Variants in NKAIN3 observed in about 807,000 individuals in gnomAD.
The protein encoded by NKAIN3 is sodium/potassium transporting ATPase interacting 3, also known as sodium/potassium-transporting ATPase subunit beta-1-interacting protein 3.
Under a neutral mutation model 30.2 loss-of-function variants are expected in NKAIN3, and 25 were observed. The observed-to-expected ratio is 0.83, with a 90% CI of 0.60 to 1.16. NKAIN3 has a LOEUF of 1.16. Ranked by LOEUF, NKAIN3 falls within the 50% of genes most tolerant of loss-of-function variation. The pLI, the probability that NKAIN3 is intolerant of heterozygous loss-of-function variation, is 0.00. For synonymous variants in NKAIN3, 91 were observed against 89.6 expected (o/e 1.02, Z -0.09); for missense variants, 225 against 254.1 (o/e 0.89, Z 0.78).
chr8:62,965,904 G>C lies in NKAIN3; in HGVS notation c.*497G>C. On this transcript the variant is annotated 3_prime_UTR_variant, in exon 7 of 7. Coordinates refer to ENST00000623646, the MANE Select transcript of NKAIN3 (RefSeq NM_001304533.3). Reference sequence around the variant, plus strand: ...GTACAAATAATGGATCCAGCTTTTGGATTGAATATGGGTCATTTTTTCAAC... The same window carrying C: ...GTACAAATAATGGATCCAGCTTTTGCATTGAATATGGGTCATTTTTTCAAC... 1 of 985,308 alleles carries C rather than the reference G, an allele frequency of 1.0e-6. No homozygotes were observed. Among genetic ancestry groups the C allele is most frequent in the Non-Finnish European group, 1.2e-6 (1 of 829,880 alleles). 61.0% of individuals were successfully genotyped at this position (985,308 alleles called of 1,614,324 possible). A position where few individuals can be genotyped will look rare whatever the true frequency, so the allele number is the denominator to read the frequency against.
intron 3 of NKAIN3, among the ~76,000 whole-genome samples, chr8:62,729,599 T>C (rs1029034870): frequency 2.2e-4 from 33 of 152,044 alleles, no homozygotes; most frequent in African/African-American, 7.2e-4. Context: ...ATAATAGACA[T>C]ATGATATATT....
intron 3 of NKAIN3, among the ~76,000 whole-genome samples, chr8:62,719,754 T>A (rs938592717): frequency 4.1e-3 from 16 of 3,900 alleles, no homozygotes; most frequent in Non-Finnish European, 8.5e-3. Context: ...CATTTCTTTC[T>A]TTTTTTTTTT....
chr8:62,901,288 G>A (rs1460355532), intron 4 of NKAIN3, among the ~76,000 whole-genome samples: 1 of 152,124 alleles, frequency 6.6e-6, no homozygotes, highest in African/African-American at 2.4e-5. Flanking sequence ...TTCACTCAAA[G>A]GTCTATCAGT....
chr8:62,546,608 G>A (rs1809024366), intron 1 of NKAIN3, among the ~76,000 whole-genome samples: 1 of 152,130 alleles, frequency 6.6e-6, no homozygotes, highest in African/African-American at 2.4e-5. Flanking sequence ...AATTTTCACT[G>A]TTTTGGTGTC....
chr8:62,458,937 G>A (rs1269676355), intron 1 of NKAIN3, among the ~76,000 whole-genome samples: 1 of 152,024 alleles, frequency 6.6e-6, no homozygotes, highest in Non-Finnish European at 1.5e-5. Context: ...TATCTTTCCT[G>A]TGAGATTTTC....
chr8:62,596,752 T>C (rs1285268919), intron 3 of NKAIN3, among the ~76,000 whole-genome samples: 1 of 152,018 alleles, frequency 6.6e-6, no homozygotes, highest in African/African-American at 2.4e-5. Flanking sequence ...AGTATACAAG[T>C]TGAGGTCTGG....
intron 3 of NKAIN3, among the ~76,000 whole-genome samples, chr8:62,636,323 A>G (rs1812126624): frequency 1.3e-5 from 2 of 152,202 alleles, no homozygotes; most frequent in Admixed American, 1.3e-4. Flanking sequence ...TCCAAAAATT[A>G]TAGAAATAAG....
intron 4 of NKAIN3, among the ~76,000 whole-genome samples, chr8:62,861,631 C>T (rs1347403487): frequency 6.6e-6 from 1 of 152,214 alleles, no homozygotes; most frequent in Non-Finnish European, 1.5e-5. Context: ...AGCCCAAAGC[C>T]CACCTGTCTT....
At chr8:62,738,575 G>T in intron 3 of NKAIN3, among the ~76,000 whole-genome samples, 1 of 140,336 alleles carries the variant, frequency 7.1e-6, no homozygotes, top group Non-Finnish European at 1.5e-5. Context: ...CTCCACCCTG[G>T]GTGACAGAGC....
intron 1 of NKAIN3, among the ~76,000 whole-genome samples, chr8:62,276,367 G>A (rs943935883): frequency 6.6e-6 from 1 of 152,242 alleles, no homozygotes; most frequent in East Asian, 1.9e-4. Context: ...CGCCCAGCCT[G>A]ATTTTGACTT....
At chr8:62,630,669 A>C (rs1353228350) in intron 3 of NKAIN3, among the ~76,000 whole-genome samples, 1 of 151,934 alleles carries the variant, frequency 6.6e-6, no homozygotes, top group African/African-American at 2.4e-5. Flanking sequence ...AACTCTCATC[A>C]CCCCCAAGTT....
At chr8:62,526,754 G>A (rs1369739987) in intron 1 of NKAIN3, among the ~76,000 whole-genome samples, 4 of 152,042 alleles carry the variant, frequency 2.6e-5, no homozygotes, top group African/African-American at 4.8e-5. Context: ...CCCTTCCTAC[G>A]GATACTTGGT....
rs116248481 is a variant in NKAIN3, at chr8:62,634,181, T to C, written c.273+44387T>C. ...AATGTCTTATCTGAGGTTTTTTTTT[T>C]CCTCAGGAAACCAACAATCAGGCCT... On this transcript the variant is annotated intron_variant, in intron 3 of 6. Coordinates refer to ENST00000623646, the MANE Select transcript of NKAIN3 (RefSeq NM_001304533.3). 2.6e-3 allele frequency among the ~76,000 whole-genome samples: 390 copies of C among 152,104 alleles called. 3 individuals are homozygous for C. The highest frequency in any genetic ancestry group is 7.4e-3 in the African/African-American group (308 of 41,526).
rs1363341984 is a variant in NKAIN3 at position 62,506,226 on chromosome 8, A to AC, written c.55-73313_55-73312insC. ...AGGTTTCAGGGATCCATATGAGAAT[A>AC]TTGGGGGGGGGGACATTATTTCACC... On this transcript the variant is annotated intron_variant, in intron 1 of 6. Transcript: ENST00000623646. Among the ~76,000 whole-genome samples the AC allele has an allele frequency of 5.1e-4, 33 of 64,114 alleles. No homozygotes were observed. In the East Asian group the frequency reaches 0.011, roughly 22 times the overall value. The allele number at this position is 64,114 out of a possible 152,430, so 42.1% of individuals were successfully genotyped here.
chr8:62,984,646 C>T lies in NKAIN3; in HGVS notation c.*19239C>T, dbSNP rs779847433. 3 of 152,086 alleles carry T rather than the reference C, an allele frequency of 2.0e-5. No individual in the cohort carries two copies. Among genetic ancestry groups the T allele is most frequent in the African/African-American group, 7.2e-5 (3 of 41,436 alleles). 9.4% of individuals were successfully genotyped at this position (152,086 alleles called of 1,614,324 possible). On this transcript the variant is annotated 3_prime_UTR_variant, in exon 7 of 7. Transcript: ENST00000623646. The stretch of plus-strand genomic sequence containing the variant: ...GAGCTATCTTATATGATGTTGGTAG[C>T]CTGTGAAAAAATAAATGTCTTTTTT...
At chr8:62,795,092 A>G (rs1286222129) in intron 4 of NKAIN3, among the ~76,000 whole-genome samples, 1 of 152,178 alleles carries the variant, frequency 6.6e-6, no homozygotes, top group African/African-American at 2.4e-5. Flanking sequence ...TCAACTCTAA[A>G]GATGATTCTG....
chr8:62,966,369 T>C lies in NKAIN3; in HGVS notation c.*962T>C. The C allele has an allele frequency of 3.0e-6, 3 of 985,240 alleles. No homozygotes were observed. Among genetic ancestry groups the C allele is most frequent in the Non-Finnish European group, 3.6e-6 (3 of 829,772 alleles). 61.0% of individuals were successfully genotyped at this position (985,240 alleles called of 1,614,324 possible). A position where few individuals can be genotyped will look rare whatever the true frequency, so the allele number is the denominator to read the frequency against. On this transcript the variant is annotated 3_prime_UTR_variant, in exon 7 of 7. Coordinates refer to ENST00000623646, the MANE Select transcript of NKAIN3 (RefSeq NM_001304533.3). Reference sequence around the variant, plus strand: ...CTTCCCAATAACCAAGAAAATGATATGGGAAGCAATTATCTGTGGAAAAAA... The same window carrying C: ...CTTCCCAATAACCAAGAAAATGATACGGGAAGCAATTATCTGTGGAAAAAA...
chr8:62,498,586 T>C (rs1807315501), intron 1 of NKAIN3, among the ~76,000 whole-genome samples: 1 of 151,934 alleles, frequency 6.6e-6, no homozygotes, highest in African/African-American at 2.4e-5. Flanking sequence ...AAGTTCAAAG[T>C]CAATGAATGG....
chr8:62,593,390 A>G (rs1810717516), intron 3 of NKAIN3, among the ~76,000 whole-genome samples: 1 of 152,026 alleles, frequency 6.6e-6, no homozygotes, highest in Non-Finnish European at 1.5e-5. Flanking sequence ...CAGTGTTTAG[A>G]GGAAGAAATG....
Sources: gnomAD v4.1 joint callset for allele counts (sites outside exome capture counted in the v4.1 genomes callset) on GRCh38, gnomAD v4.1.1 for gene constraint, MANE v1.5 for transcripts, NCBI Gene and HGNC (gene_info 2026-07-23, HGNC 2026-07-21) for gene names.